GABRB2: variants seen among roughly 807,000 people sequenced by gnomAD.
The protein encoded by GABRB2 is gamma-aminobutyric acid receptor subunit beta-2.
In GABRB2, 16 loss-of-function variants were observed where a neutral mutation model predicts 54.7. The ratio of observed to expected loss-of-function variants is 0.29; its 90% CI spans 0.20 to 0.44. The LOEUF is 0.44. GABRB2 is among the 20% of genes least tolerant of loss of function. GABRB2 has a pLI of 1.00. For synonymous variants in GABRB2, 244 were observed against 233.8 expected, an observed-to-expected ratio of 1.04 and a Z score of -0.40; for missense variants, 355 against 644.0, an observed-to-expected ratio of 0.55 and a Z score of 4.86.
intron 5 of GABRB2, among the ~76,000 whole-genome samples, chr5:161,337,095 G>A (rs1754016338): frequency 6.6e-6 from 1 of 152,050 alleles, no homozygotes; most frequent in African/African-American, 2.4e-5. Flanking sequence ...GTGTAGTTGG[G>A]ACTTAAACCC....
intron 4 of GABRB2, among the ~76,000 whole-genome samples, chr5:161,450,663 T>C (rs1397548806): frequency 1.3e-5 from 2 of 152,192 alleles, no homozygotes; most frequent in African/African-American, 4.8e-5. Flanking sequence ...GTCTCTAGGA[T>C]GTTAGGCACA....
intron 5 of GABRB2, among the ~76,000 whole-genome samples, chr5:161,400,920 T>C (rs1165279825): frequency 6.6e-6 from 1 of 152,180 alleles, no homozygotes; most frequent in East Asian, 1.9e-4. Context: ...AGAATTCATA[T>C]TGATTTTTTT....
In GABRB2 at chr5:161,437,788, G is replaced by A. The variant is rs1224307128; in HGVS notation, c.458+21836C>T. ...TACTCCTCATAGCCTGGGGTGGTGTGGGTAAGGGTGAGGCTATCCTGCCAT... is the reference window on the plus strand; with the variant it reads ...TACTCCTCATAGCCTGGGGTGGTGTAGGTAAGGGTGAGGCTATCCTGCCAT... On this transcript the variant is annotated intron_variant, in intron 4 of 9. Coordinates refer to ENST00000393959, the MANE Select transcript of GABRB2 (RefSeq NM_001371727.1). Among the ~76,000 whole-genome samples the A allele has an allele frequency of 7.2e-5, 11 of 152,246 alleles. No homozygotes were observed. In the East Asian group the frequency reaches 2.1e-3, roughly 29 times the overall value.
chr5:161,353,204 T>C (rs1017657098), intron 5 of GABRB2, among the ~76,000 whole-genome samples: 1 of 152,102 alleles, frequency 6.6e-6, no homozygotes, highest in Non-Finnish European at 1.5e-5. Flanking sequence ...AAATAGTTGT[T>C]TATTTCTTAT....
chr5:161,377,803 T>C (rs761260465), intron 5 of GABRB2, among the ~76,000 whole-genome samples: 4 of 152,070 alleles, frequency 2.6e-5, no homozygotes, highest in Non-Finnish European at 5.9e-5. Flanking sequence ...TATAAACCAG[T>C]AATTTGGTAC....
intron 3 of GABRB2, among the ~76,000 whole-genome samples, chr5:161,521,778 C>A (rs1760123120): frequency 6.6e-6 from 1 of 151,854 alleles, no homozygotes. Context: ...TCTAAACCAA[C>A]TTATGGAGGT....
chr5:161,397,512 A>G (rs1387497721), intron 5 of GABRB2, among the ~76,000 whole-genome samples: 5 of 152,172 alleles, frequency 3.3e-5, no homozygotes, highest in Non-Finnish European at 5.9e-5. Flanking sequence ...TTATATAACA[A>G]TGAGAGTGGC....
intron 5 of GABRB2, among the ~76,000 whole-genome samples, chr5:161,396,031 A>G (rs1406932425): frequency 2.6e-5 from 4 of 152,190 alleles, no homozygotes; most frequent in Non-Finnish European, 5.9e-5. Flanking sequence ...CAAAGAAAAA[A>G]GAGAAAAACT....
chr5:161,455,632 C>A (rs1757931965), intron 4 of GABRB2, among the ~76,000 whole-genome samples: 1 of 151,414 alleles, frequency 6.6e-6, no homozygotes, highest in African/African-American at 2.4e-5. Flanking sequence ...TGGGCTCAAG[C>A]CATCCTCCCA....
At chr5:161,295,169 G>A (rs1049062041) in intron 9 of GABRB2, among the ~76,000 whole-genome samples, 41 of 152,202 alleles carry the variant, frequency 2.7e-4, no homozygotes, top group African/African-American at 9.7e-4. Flanking sequence ...GGAAAGGGAA[G>A]AGGGTAGGAT....
intron 4 of GABRB2, among the ~76,000 whole-genome samples, chr5:161,440,666 T>C (rs1160622656): frequency 1.3e-5 from 2 of 152,152 alleles, no homozygotes; most frequent in Non-Finnish European, 2.9e-5. Context: ...TTCTAAGTTA[T>C]TCTAAGCAAA....
rs367854304 is a variant in GABRB2, at chr5:161,546,290, G to C, written c.169+32C>G. 113 of 1,568,526 alleles carry C rather than the reference G, an allele frequency of 7.2e-5. No individual in the cohort carries two copies. In the African/African-American group the frequency reaches 1.4e-3, roughly 19 times the overall value. ...AAGCTCAAAAGACAGCTTCGGCTGTGGCTGGACTTATTTGCAAGGCAACCC... is the reference window on the plus strand; with the variant it reads ...AAGCTCAAAAGACAGCTTCGGCTGTCGCTGGACTTATTTGCAAGGCAACCC... On this transcript the variant is annotated intron_variant, in intron 2 of 9. Transcript: ENST00000393959.
At chr5:161,511,005 ATT>A (rs954816536) in intron 3 of GABRB2, among the ~76,000 whole-genome samples, 1 of 152,014 alleles carries the variant, frequency 6.6e-6, no homozygotes, top group Non-Finnish European at 1.5e-5. Flanking sequence ...CACCAACAGT[ATT>A]TTGATTATTT....
rs1396011364 is a variant in GABRB2 at position 161,311,860 on chromosome 5, T to A, written c.1191+14508A>T. Among the ~76,000 whole-genome samples the A allele has an allele frequency of 2.0e-5, 3 of 152,220 alleles. No homozygotes were observed. The East Asian group carries it at 5.8e-4, about 29-fold the overall frequency. ...GATGAAGAAGCACGGGGCTAGATAA[T>A]ATCTTAGATCCCTTAAAGTTATAAA... is the stretch of plus-strand genomic sequence containing the variant. On this transcript the variant is annotated intron_variant, in intron 9 of 9. Coordinates refer to ENST00000393959, the MANE Select transcript of GABRB2 (RefSeq NM_001371727.1).
At chr5:161,545,570 ACAC>A (rs1760957745) in intron 2 of GABRB2, among the ~76,000 whole-genome samples, 1 of 152,074 alleles carries the variant, frequency 6.6e-6, no homozygotes, top group Non-Finnish European at 1.5e-5. Flanking sequence ...ATGTGAATGC[ACAC>A]AACTCACAGA....
In GABRB2 at chr5:161,529,697, T is replaced by C. The variant is rs562841592; in HGVS notation, c.237+15530A>G. 2.6e-5 allele frequency among the ~76,000 whole-genome samples: 4 copies of C among 152,176 alleles called. No individual in the cohort carries two copies. In the East Asian group the frequency reaches 7.7e-4, roughly 29 times the overall value. ...GTGTTACTAGTCGTAATCAAATATA[T>C]CCCAATTGTATGTCAAAGTTCTAAT... On this transcript the variant is annotated intron_variant, in intron 3 of 9. Transcript: ENST00000393959.
At chr5:161,330,512 G>A (rs1397565291) in intron 8 of GABRB2, 5 of 163,188 alleles carry the variant, frequency 3.1e-5, no homozygotes, top group Non-Finnish European at 6.7e-5. Context: ...TTATATATTT[G>A]TAAAGCTATT....
chr5:161,533,335 G>C (rs796265587), intron 3 of GABRB2, among the ~76,000 whole-genome samples: 8 of 152,094 alleles, frequency 5.3e-5, no homozygotes, highest in African/African-American at 1.7e-4. Flanking sequence ...TCCTTCATTT[G>C]TATCTTTTAA....
intron 9 of GABRB2, among the ~76,000 whole-genome samples, chr5:161,323,881 C>T (rs926702835): frequency 6.6e-6 from 1 of 152,162 alleles, no homozygotes; most frequent in African/African-American, 2.4e-5. Flanking sequence ...TTCTAGTGAA[C>T]AACCTGACTA....
Sources: allele counts gnomAD v4.1 joint callset (sites outside exome capture counted in the v4.1 genomes callset), GRCh38; gene constraint gnomAD v4.1.1; transcripts MANE v1.5; gene names NCBI Gene and HGNC (gene_info 2026-07-23, HGNC 2026-07-21).